The following ADARB2 variants were observed in gnomAD, a reference collection of about 807,000 sequenced individuals.
The protein encoded by ADARB2 is adenosine deaminase RNA specific B2 (inactive), also known as inactive double-stranded RNA-specific editase B2.
A neutral mutation model predicts 62.2 loss-of-function variants in ADARB2; 25 were observed. The observed-to-expected ratio is 0.40, with a 90% CI of 0.29 to 0.56. ADARB2 has a LOEUF of 0.56. Among genes scored for constraint, ADARB2 ranks in the 20% least tolerant of loss-of-function variants. ADARB2 has a pLI of 0.43. For missense variants in ADARB2, 1,071 were observed against 1,077.4 expected, an observed-to-expected ratio of 0.99 and a Z score of 0.08; for synonymous variants, 572 against 500.8, an observed-to-expected ratio of 1.14 and a Z score of -1.90.
chr10:1,359,996 A>G lies in ADARB2; in HGVS notation c.1077+3032T>C, dbSNP rs112406148. Among the ~76,000 whole-genome samples the G allele has an allele frequency of 2.3e-3, 346 of 152,364 alleles. 3 individuals carry two copies. Among genetic ancestry groups the G allele is most frequent in the African/African-American group, 7.9e-3 (328 of 41,594 alleles). ...CCGGGATGGTTCTGAAGCTTCCTTC[A>G]TAGGAGCAAGCCTTTGGCGGAGAGC... On this transcript the variant is annotated intron_variant, in intron 3 of 9. Transcript: ENST00000381312.
chr10:1,207,018 G>A (rs939337248), intron 7 of ADARB2, among the ~76,000 whole-genome samples: 2 of 152,214 alleles, frequency 1.3e-5, no homozygotes, highest in Non-Finnish European at 2.9e-5. Context: ...AAGTGTTAGT[G>A]AATTGATCAC....
At chr10:1,690,520 G>C (rs931498213) in intron 1 of ADARB2, among the ~76,000 whole-genome samples, 1 of 152,184 alleles carries the variant, frequency 6.6e-6, no homozygotes, top group African/African-American at 2.4e-5. Context: ...CAGAATTCCA[G>C]AGGTGATTAC....
intron 1 of ADARB2, among the ~76,000 whole-genome samples, chr10:1,654,869 TG>T (rs1834155277): frequency 6.6e-6 from 1 of 152,144 alleles, no homozygotes; most frequent in Non-Finnish European, 1.5e-5. Context: ...AGGCCCAAGG[TG>T]ATGCATGCTG....
intron 1 of ADARB2, among the ~76,000 whole-genome samples, chr10:1,612,449 T>C (rs1833584509): frequency 1.3e-5 from 2 of 152,342 alleles, no homozygotes; most frequent in South Asian, 4.1e-4. Flanking sequence ...GGTCATGAAA[T>C]GTTGTTGAAA....
At chr10:1,197,483 G>A (rs909834400) in intron 8 of ADARB2, among the ~76,000 whole-genome samples, 8 of 152,196 alleles carry the variant, frequency 5.3e-5, no homozygotes, top group African/African-American at 1.4e-4. Flanking sequence ...GGCTTCAGAC[G>A]CCCCAGCTGG....
chr10:1,205,082 C>T (rs7074199), intron 7 of ADARB2, among the ~76,000 whole-genome samples: 40,125 of 151,996 alleles, frequency 0.26, 5,730 homozygotes, highest in African/African-American at 0.34. Context: ...AGGTCCCGGC[C>T]GCCATTCTGC....
chr10:1,326,085 G>C (rs1486013166), intron 3 of ADARB2, among the ~76,000 whole-genome samples: 1 of 152,180 alleles, frequency 6.6e-6, no homozygotes, highest in East Asian at 1.9e-4. Context: ...CTCTTATCTT[G>C]GAAAACTGAA....
intron 6 of ADARB2, among the ~76,000 whole-genome samples, chr10:1,221,402 CTT>C (rs67387944): frequency 2.5e-4 from 36 of 145,736 alleles, no homozygotes; most frequent in African/African-American, 4.3e-4. Context: ...ATGCTCATTT[CTT>C]TTTTTTTTTT....
intron 1 of ADARB2, among the ~76,000 whole-genome samples, chr10:1,503,635 A>G (rs775293909): frequency 4.1e-4 from 63 of 152,110 alleles, no homozygotes; most frequent in Admixed American, 7.2e-4. Context: ...ATCTCATGTT[A>G]AAATGTAATC....
At chr10:1,494,281 G>T (rs1831660924) in intron 1 of ADARB2, among the ~76,000 whole-genome samples, 1 of 152,182 alleles carries the variant, frequency 6.6e-6, no homozygotes, top group South Asian at 2.1e-4. Context: ...TGTCTCCTGA[G>T]AGGCAGCTTT....
intron 1 of ADARB2, among the ~76,000 whole-genome samples, chr10:1,550,921 T>A (rs7099162): frequency 0.58 from 88,225 of 151,750 alleles, 25,911 homozygotes; most frequent in East Asian, 0.76. Context: ...AGACTAAAGG[T>A]GCACTGTGCT....
intron 1 of ADARB2, among the ~76,000 whole-genome samples, chr10:1,520,691 C>A (rs565669260): frequency 6.6e-6 from 1 of 152,314 alleles, no homozygotes; most frequent in South Asian, 2.1e-4. Flanking sequence ...GACTAAAAAT[C>A]TGAGTTAAGG....
intron 1 of ADARB2, among the ~76,000 whole-genome samples, chr10:1,628,244 G>A (rs1263325988): frequency 1.3e-5 from 2 of 152,210 alleles, no homozygotes; most frequent in South Asian, 2.1e-4. Context: ...AGGAGCGAGG[G>A]GGCCTCATCA....
intron 3 of ADARB2, among the ~76,000 whole-genome samples, chr10:1,306,087 G>A (rs1831624855): frequency 6.6e-6 from 1 of 151,872 alleles, no homozygotes; most frequent in Non-Finnish European, 1.5e-5. Context: ...GGAAATAAAG[G>A]GTATTCAATT....
intron 7 of ADARB2, among the ~76,000 whole-genome samples, chr10:1,204,462 G>C (rs1837024694): frequency 6.6e-6 from 1 of 152,226 alleles, no homozygotes; most frequent in Non-Finnish European, 1.5e-5. Context: ...AAATGATGGT[G>C]CATTATTGAC....
chr10:1,329,439 A>G (rs1259784669), intron 3 of ADARB2, among the ~76,000 whole-genome samples: 3 of 152,230 alleles, frequency 2.0e-5, no homozygotes, highest in Admixed American at 2.0e-4. Flanking sequence ...TTCTGAACCC[A>G]CTGTCCATGT....
At chr10:1,247,396 C>G (rs1304145393) in intron 4 of ADARB2, among the ~76,000 whole-genome samples, 2 of 152,184 alleles carry the variant, frequency 1.3e-5, no homozygotes, top group East Asian at 3.9e-4. Flanking sequence ...GAGGGCATCC[C>G]TGTCTTGTGC....
chr10:1,421,018 C>T (rs1832848204), intron 1 of ADARB2, among the ~76,000 whole-genome samples: 2 of 152,030 alleles, frequency 1.3e-5, no homozygotes. Context: ...CACTGCTCTC[C>T]ATCTAGTGTG....
intron 1 of ADARB2, among the ~76,000 whole-genome samples, chr10:1,471,214 TTTC>T (rs1294458420): frequency 6.6e-6 from 1 of 152,170 alleles, no homozygotes; most frequent in African/African-American, 2.4e-5. Flanking sequence ...CCAGAGAGGT[TTTC>T]TTCTGTTAGT....
Sources: gnomAD v4.1 joint callset for allele counts (sites outside exome capture counted in the v4.1 genomes callset) on GRCh38, gnomAD v4.1.1 for gene constraint, MANE v1.5 for transcripts, NCBI Gene and HGNC (gene_info 2026-07-23, HGNC 2026-07-21) for gene names.